ETFA: variants seen among roughly 807,000 people sequenced by gnomAD.
ETFA encodes electron transfer flavoprotein subunit alpha.
A neutral mutation model predicts 46.2 loss-of-function variants in ETFA; 22 were observed. The observed-to-expected ratio is 0.48, with a 90% CI of 0.34 to 0.68. The LOEUF is 0.68. Ranked by LOEUF, ETFA falls within the 30% of genes least tolerant of loss-of-function variation. The probability of loss-of-function intolerance (pLI) is 0.01; values close to 1 mark genes in which losing one functional copy is unlikely to be tolerated. For synonymous variants in ETFA, 131 were observed against 139.9 expected (o/e 0.94, Z 0.45); for missense variants, 345 against 401.1 (o/e 0.86, Z 1.19).
rs776678572 is a variant in ETFA, at chr15:76,274,399, T to C, written c.816+13A>G. 3.4e-5 allele frequency: 54 copies of C among 1,583,458 alleles called. No homozygotes were observed. The highest frequency in any genetic ancestry group is 2.6e-4 in the Admixed American group (15 of 58,674). Reference sequence around the variant, plus strand: ...ATAACATTTTACACAGCATATTTTATTGCAATACTTACTGGTGCTACTATT... The same window carrying C: ...ATAACATTTTACACAGCATATTTTACTGCAATACTTACTGGTGCTACTATT... On this transcript the variant is annotated intron_variant, in intron 9 of 11. Transcript: ENST00000557943.
chr15:76,245,149 C>T (rs2039232114), intron 9 of ETFA: 1 of 152,182 alleles, frequency 6.6e-6, no homozygotes, highest in Admixed American at 6.5e-5. Flanking sequence ...TTAAACTTCA[C>T]TGTATGGGCT....
intron 9 of ETFA, among the ~76,000 whole-genome samples, chr15:76,265,118 A>G (rs1030277872): frequency 7.2e-5 from 11 of 152,358 alleles, no homozygotes; most frequent in African/African-American, 2.6e-4. Context: ...CTGCAGCACA[A>G]TTCCTGTCTC....
At chr15:76,225,828 T>C in intron 11 of ETFA, 21 bp downstream of exon 11, 1 of 1,489,350 alleles carries the variant, frequency 6.7e-7, no homozygotes, top group Non-Finnish European at 9.4e-7. Context: ...ATAATAGCAA[T>C]TTCTCTCAAG....
chr15:76,300,392 A>C (rs2141550127), intron 1 of ETFA, among the ~76,000 whole-genome samples: 1 of 152,222 alleles, frequency 6.6e-6, no homozygotes. Flanking sequence ...TGACCAGAGA[A>C]TCATGTCTGG....
rs62030195 is a variant in ETFA, at chr15:76,217,189, T to C, written c.964-592A>G. Reference sequence around the variant, plus strand: ...TAGAAACAGGAAGCCCAATTTTTCTTGTCTGGGTGAAGAGTACTGTGTATT... The same window carrying C: ...TAGAAACAGGAAGCCCAATTTTTCTCGTCTGGGTGAAGAGTACTGTGTATT... On this transcript the variant is annotated intron_variant, in intron 11 of 11. Coordinates refer to ENST00000557943, the MANE Select transcript of ETFA (RefSeq NM_000126.4). Among the ~76,000 whole-genome samples, 419 of 152,250 alleles carry C rather than the reference T, an allele frequency of 2.8e-3. 1 individual carries two copies. Among genetic ancestry groups the C allele is most frequent in the Non-Finnish European group, 5.1e-3 (347 of 68,008 alleles).
intron 9 of ETFA, among the ~76,000 whole-genome samples, chr15:76,231,764 T>A (rs1428398657): frequency 6.6e-6 from 1 of 152,182 alleles, no homozygotes; most frequent in Non-Finnish European, 1.5e-5. Context: ...AACCCATACA[T>A]GCTGTACATA....
In ETFA at chr15:76,286,436, AAC is replaced by A. The variant is rs1298299792; in HGVS notation, c.495_496del (p.Ser167CysfsTer7). 1.1e-5 allele frequency: 17 copies of A among 1,613,786 alleles called. No homozygotes were observed. The highest frequency in any genetic ancestry group is 1.4e-5 in the Non-Finnish European group (17 of 1,179,698). On this transcript the variant is annotated frameshift_variant, in exon 6 of 12. Coordinates refer to ENST00000557943, the MANE Select transcript of ETFA (RefSeq NM_000126.4). LOFTEE classifies it high-confidence loss of function. ...ATCAAAGGATGTTCCACGGACAGAAAACACTTTCACTTTCTCATCACACTTCA... is the reference window on the plus strand; with the variant it reads ...ATCAAAGGATGTTCCACGGACAGAAAACTTTCACTTTCTCATCACACTTCA...
chr15:76,244,160 C>T (rs2039222298), intron 9 of ETFA, among the ~76,000 whole-genome samples: 1 of 152,172 alleles, frequency 6.6e-6, no homozygotes, highest in African/African-American at 2.4e-5. Context: ...TCTGGGATTA[C>T]AGGCGTGAGC....
intron 9 of ETFA, among the ~76,000 whole-genome samples, chr15:76,233,854 G>A (rs58047939): frequency 6.6e-5 from 10 of 152,278 alleles, no homozygotes; most frequent in Admixed American, 2.0e-4. Context: ...TCCTGTAAAC[G>A]AGTCTTTCTG....
Position 76,231,384 on chromosome 15 carries a change from A to G in ETFA, c.831T>C (p.Ala277=), listed in dbSNP as rs371149279. ...GTTGGATGGCTCCAGATATTCCAAC[A>G]GCAATATAAAGTTCCTGAAATAAAA... ...GKIVAPELYI[A]VGISGAIQHL... is the part of the protein sequence containing the mutation. Residue 277 remains alanine, a synonymous_variant, in exon 10 of 12, where the codon GCT becomes GCC. Coordinates refer to ENST00000557943, the MANE Select transcript of ETFA (RefSeq NM_000126.4). 8.8e-6 allele frequency: 14 copies of G among 1,599,830 alleles called. No individual in the cohort carries two copies. The highest frequency in any genetic ancestry group is 1.1e-5 in the Non-Finnish European group (13 of 1,167,198).
rs1411695029 is a variant in ETFA, at chr15:76,229,609, AT to A, written c.882+1723del. On this transcript the variant is annotated intron_variant, in intron 10 of 11. Transcript: ENST00000557943. The stretch of plus-strand genomic sequence containing the variant: ...GCTGGTGTTGGAGTTTCTTTCTTTT[AT>A]TTATTTATTTTTTCTTAATGCAGCA... Among the ~76,000 whole-genome samples the A allele has an allele frequency of 2.0e-5, 3 of 151,984 alleles. No individual in the cohort carries two copies. The East Asian group carries it at 5.8e-4, about 29-fold the overall frequency.
chr15:76,307,697 T>C (rs189621831), intron 1 of ETFA, among the ~76,000 whole-genome samples: 12 of 152,030 alleles, frequency 7.9e-5, no homozygotes, highest in African/African-American at 2.7e-4. Context: ...TTGCGCAGGC[T>C]GGTCTCGAAC....
intron 4 of ETFA, among the ~76,000 whole-genome samples, chr15:76,289,656 T>C (rs2141535902): frequency 6.6e-6 from 1 of 152,330 alleles, no homozygotes; most frequent in South Asian, 2.1e-4. Flanking sequence ...TTGAGTTCTT[T>C]TTGTGCATAA....
chr15:76,271,190 A>G (rs2039527253), intron 9 of ETFA, among the ~76,000 whole-genome samples: 1 of 151,640 alleles, frequency 6.6e-6, no homozygotes, highest in Non-Finnish European at 1.5e-5. Context: ...AAAAAAAAAA[A>G]GTTTGAGGAA....
chr15:76,271,651 TA>T (rs2039532533), intron 9 of ETFA, among the ~76,000 whole-genome samples: 1 of 152,202 alleles, frequency 6.6e-6, no homozygotes, highest in Non-Finnish European at 1.5e-5. Context: ...TAGATGGTAT[TA>T]TGTATCAATG....
At chr15:76,218,008 C>T (rs1183743862) in intron 11 of ETFA, among the ~76,000 whole-genome samples, 7 of 152,242 alleles carry the variant, frequency 4.6e-5, no homozygotes, top group Non-Finnish European at 1.0e-4. Context: ...CACCACTTCT[C>T]CCAGCTTTCC....
intron 8 of ETFA, among the ~76,000 whole-genome samples, chr15:76,279,856 A>G (rs892879308): frequency 3.4e-5 from 5 of 148,610 alleles, no homozygotes; most frequent in African/African-American, 1.2e-4. Context: ...TTAGCTCTCA[A>G]TCATACAGGG....
intron 9 of ETFA, among the ~76,000 whole-genome samples, chr15:76,241,512 T>C (rs1337859217): frequency 6.8e-6 from 1 of 146,860 alleles, no homozygotes; most frequent in Non-Finnish European, 1.5e-5. Flanking sequence ...TCAAAAAAAG[T>C]TTATTTGGCT....
chr15:76,277,372 G>A (rs564895588), intron 8 of ETFA, among the ~76,000 whole-genome samples: 15 of 152,164 alleles, frequency 9.9e-5, no homozygotes, highest in African/African-American at 2.4e-4. Flanking sequence ...TCCCTTTCCC[G>A]TCCCCTTGTC....
Sources: allele counts gnomAD v4.1 joint callset (sites outside exome capture counted in the v4.1 genomes callset), GRCh38; gene constraint gnomAD v4.1.1; transcripts MANE v1.5; gene names NCBI Gene and HGNC (gene_info 2026-07-23, HGNC 2026-07-21).